The following EPB41L4A variants were observed in gnomAD, a reference collection of about 807,000 sequenced individuals.
EPB41L4A encodes band 4.1-like protein 4A.
Under a neutral mutation model 108.6 loss-of-function variants are expected in EPB41L4A, and 100 were observed. That is an observed-to-expected ratio of 0.92 (90% CI 0.78 to 1.09). EPB41L4A has a LOEUF of 1.09. Among genes scored for constraint, EPB41L4A ranks in the 50% least tolerant of loss-of-function variants. EPB41L4A has a pLI of 0.00. For missense variants in EPB41L4A, 1,030 were observed against 842.7 expected, an observed-to-expected ratio of 1.22 and a Z score of -2.75; for synonymous variants, 319 against 289.0, an observed-to-expected ratio of 1.10 and a Z score of -1.05.
At chr5:112,413,863 G>C (rs1762552000) in intron 1 of EPB41L4A, among the ~76,000 whole-genome samples, 2 of 152,182 alleles carry the variant, frequency 1.3e-5, no homozygotes, top group African/African-American at 4.8e-5. Context: ...GGCTAGATCA[G>C]GTAGGGTGCT....
At chr5:112,331,529 T>C (rs1209542548) in intron 1 of EPB41L4A, among the ~76,000 whole-genome samples, 2 of 152,222 alleles carry the variant, frequency 1.3e-5, no homozygotes, top group African/African-American at 4.8e-5. Flanking sequence ...TGATACTTTG[T>C]ATATAGCATT....
At chr5:112,338,672 T>C (rs1462739397) in intron 1 of EPB41L4A, among the ~76,000 whole-genome samples, 1 of 152,196 alleles carries the variant, frequency 6.6e-6, no homozygotes, top group Non-Finnish European at 1.5e-5. Flanking sequence ...GACAAACACA[T>C]ACACACATTG....
intron 1 of EPB41L4A, among the ~76,000 whole-genome samples, chr5:112,337,849 C>T (rs1757022696): frequency 1.3e-5 from 2 of 152,106 alleles, no homozygotes; most frequent in South Asian, 4.1e-4. Context: ...AGATGGAAGC[C>T]TTTGGGCCAT....
intron 1 of EPB41L4A, among the ~76,000 whole-genome samples, chr5:112,309,869 T>A (rs1172972015): frequency 6.6e-6 from 1 of 152,152 alleles, no homozygotes; most frequent in African/African-American, 2.4e-5. Context: ...CTGAGAAGAA[T>A]GAGAACAGCT....
intron 9 of EPB41L4A, among the ~76,000 whole-genome samples, chr5:112,247,056 A>C (rs1019739527): frequency 6.6e-6 from 1 of 152,238 alleles, no homozygotes; most frequent in Non-Finnish European, 1.5e-5. Flanking sequence ...GTTTGTGTAA[A>C]AATATTCTAT....
intron 1 of EPB41L4A, among the ~76,000 whole-genome samples, chr5:112,400,834 G>C (rs772400939): frequency 4.2e-4 from 64 of 152,118 alleles, no homozygotes; most frequent in Non-Finnish European, 1.2e-4. Flanking sequence ...AACATTTACT[G>C]AACACCACTG....
At chr5:112,398,972 G>C (rs1158169686) in intron 1 of EPB41L4A, among the ~76,000 whole-genome samples, 1 of 151,472 alleles carries the variant, frequency 6.6e-6, no homozygotes, top group Admixed American at 6.6e-5. Context: ...CTTAATTAGA[G>C]CCAGAGAAAT....
chr5:112,321,178 C>G (rs923471811), intron 1 of EPB41L4A, among the ~76,000 whole-genome samples: 9 of 152,122 alleles, frequency 5.9e-5, no homozygotes, highest in Non-Finnish European at 1.2e-4. Context: ...CGACAAGAGT[C>G]AGAGAAGCTA....
Position 112,273,578 on chromosome 5 carries a change from T to C in EPB41L4A, c.335+1748A>G, listed in dbSNP as rs372509630. On this transcript the variant is annotated intron_variant, in intron 4 of 22. Coordinates refer to ENST00000261486, the MANE Select transcript of EPB41L4A (RefSeq NM_022140.5). ...AAGTATTAGCATTCATCAAACATAG[T>C]ACGAGACACGGACAATCATAAGAGC... is the stretch of plus-strand genomic sequence containing the variant. 7.4e-4 allele frequency among the ~76,000 whole-genome samples: 112 copies of C among 152,288 alleles called. 2 individuals are homozygous for C. In the South Asian group the frequency reaches 0.022, roughly 30 times the overall value.
intron 1 of EPB41L4A, among the ~76,000 whole-genome samples, chr5:112,371,135 T>A (rs555638376): frequency 6.6e-6 from 1 of 152,204 alleles, no homozygotes; most frequent in Non-Finnish European, 1.5e-5. Context: ...GTATAAACAA[T>A]ACATATTATG....
intron 1 of EPB41L4A, among the ~76,000 whole-genome samples, chr5:112,405,596 ATACAT>A (rs1762031209): frequency 6.6e-6 from 1 of 152,196 alleles, no homozygotes; most frequent in Non-Finnish European, 1.5e-5. Context: ...TATATAATAC[ATACAT>A]TACATTACCA....
In EPB41L4A at chr5:112,347,338, AG is replaced by A. The variant is rs1321898478; in HGVS notation, c.100-39849del. Among the ~76,000 whole-genome samples the A allele has an allele frequency of 7.2e-5, 11 of 152,346 alleles. 1 individual carries two copies. The South Asian group carries it at 2.3e-3, about 32-fold the overall frequency. ...GAAAGCAATGGTAGTTAAAAAGATA[AG>A]GAAAATGCAGTAGAATTAGGTTGAA... On this transcript the variant is annotated intron_variant, in intron 1 of 22. Transcript: ENST00000261486.
At chr5:112,266,941 T>C (rs140501170) in intron 4 of EPB41L4A, among the ~76,000 whole-genome samples, 219 of 152,312 alleles carry the variant, frequency 1.4e-3, no homozygotes, top group African/African-American at 5.1e-3. Context: ...GAAGACAGTA[T>C]ATTATATTCT....
chr5:112,259,883 A>G lies in EPB41L4A; in HGVS notation c.731+8T>C. Reference sequence around the variant, plus strand: ...AGAATGCCAACTCTGTTCTCAAGCCATACCTACCAGAAATACTTCCCCACT... The same window carrying G: ...AGAATGCCAACTCTGTTCTCAAGCCGTACCTACCAGAAATACTTCCCCACT... On this transcript the variant is annotated splice_region_variant and intron_variant, in intron 8 of 22. Coordinates refer to ENST00000261486, the MANE Select transcript of EPB41L4A (RefSeq NM_022140.5). The G allele has an allele frequency of 6.2e-7, 1 of 1,609,654 alleles. No homozygotes were observed. The highest frequency in any genetic ancestry group is 8.5e-7 in the Non-Finnish European group (1 of 1,175,944).
chr5:112,199,102 T>C lies in EPB41L4A; in HGVS notation c.1377-3394A>G, dbSNP rs145674502. On this transcript the variant is annotated intron_variant, in intron 15 of 22. Coordinates refer to ENST00000261486, the MANE Select transcript of EPB41L4A (RefSeq NM_022140.5). ...AGTAATATGAGGGCAGCCTCAATCA[T>C]TTCACTGGATGATCCTTTGAAAGTA... Among the ~76,000 whole-genome samples, 373 of 152,320 alleles carry C rather than the reference T, an allele frequency of 2.4e-3. 3 individuals carry two copies. The highest frequency in any genetic ancestry group is 2.1e-3 in the South Asian group (10 of 4,830).
At chr5:112,149,694 T>A (rs1759394097) in intron 12 of EPB41L4A, among the ~76,000 whole-genome samples, 1 of 152,088 alleles carries the variant, frequency 6.6e-6, no homozygotes, top group Non-Finnish European at 1.5e-5. Context: ...ATCCTATAAT[T>A]CAGAACAAAT....
At chr5:112,408,665 G>T (rs759699188) in intron 1 of EPB41L4A, among the ~76,000 whole-genome samples, 4 of 89,578 alleles carry the variant, frequency 4.5e-5, no homozygotes, top group Non-Finnish European at 7.8e-5. Flanking sequence ...AACATGGTGA[G>T]ACTCCATCTC....
At chr5:112,341,275 A>G (rs548761869) in intron 1 of EPB41L4A, among the ~76,000 whole-genome samples, 4 of 152,194 alleles carry the variant, frequency 2.6e-5, no homozygotes, top group Non-Finnish European at 4.4e-5. Flanking sequence ...CAAAAATCCC[A>G]CATATAACTG....
intron 9 of EPB41L4A, among the ~76,000 whole-genome samples, chr5:112,245,249 C>T (rs977470848): frequency 6.6e-6 from 1 of 152,118 alleles, no homozygotes; most frequent in Non-Finnish European, 1.5e-5. Context: ...TATATACTTG[C>T]TAATTTAATT....
Sources: gnomAD v4.1 joint callset for allele counts (sites outside exome capture counted in the v4.1 genomes callset) on GRCh38, gnomAD v4.1.1 for gene constraint, MANE v1.5 for transcripts, NCBI Gene and HGNC (gene_info 2026-07-23, HGNC 2026-07-21) for gene names.